The following PCDHGA8 variants were observed in gnomAD, a reference collection of about 807,000 sequenced individuals.
The protein encoded by PCDHGA8 is protocadherin gamma-A8.
PCDHGA8 carries 45 observed loss-of-function variants against 59.2 expected under a neutral mutation model. The observed-to-expected ratio is 0.76, with a 90% CI of 0.60 to 0.98. The LOEUF (loss-of-function observed/expected upper bound fraction) is 0.98, where lower values mean the gene tolerates loss of function less well. Among genes scored for constraint, PCDHGA8 ranks in the 50% least tolerant of loss-of-function variants. The pLI is 0.00. For missense variants in PCDHGA8, 1,257 were observed against 1,196.2 expected, an observed-to-expected ratio of 1.05 and a Z score of -0.75; for synonymous variants, 531 against 519.0, an observed-to-expected ratio of 1.02 and a Z score of -0.32.
intron 1 of PCDHGA8, among the ~76,000 whole-genome samples, chr5:141,458,869 A>G (rs2154566384): frequency 6.6e-6 from 1 of 152,264 alleles, no homozygotes; most frequent in East Asian, 1.9e-4. Context: ...AGTAGCTGGG[A>G]CTACAGGCAT....
At position 141,493,887 on chromosome 5, in the gene PCDHGA8, G is replaced by C. The variant is rs760575047; in HGVS notation, c.2425-920G>C. On this transcript the variant is annotated intron_variant, in intron 1 of 3. Transcript: ENST00000398604. This position sits in a 1 kb window ranked among gnomAD's most constrained non-coding sequence, Gnocchi z 4.3. Reference sequence around the variant, plus strand: ...AGAACCAGTGAGGAGGTGGCTCTAGGAGTGCTCCATGAGAGTGTGTGATGG... The same window carrying C: ...AGAACCAGTGAGGAGGTGGCTCTAGCAGTGCTCCATGAGAGTGTGTGATGG... Among the ~76,000 whole-genome samples, 11 of 152,184 alleles carry C rather than the reference G, an allele frequency of 7.2e-5. No homozygotes were observed. Among genetic ancestry groups the C allele is most frequent in the Non-Finnish European group, 1.2e-4 (8 of 68,026 alleles).
intron 1 of PCDHGA8, among the ~76,000 whole-genome samples, chr5:141,455,419 G>T (rs1462099602): frequency 6.6e-6 from 1 of 152,124 alleles, no homozygotes; most frequent in Non-Finnish European, 1.5e-5. Flanking sequence ...AGGGAGCGGG[G>T]CTCCAAAAGA....
chr5:141,456,389 TTTGA>T (rs1181323617), intron 1 of PCDHGA8, among the ~76,000 whole-genome samples: 2 of 152,074 alleles, frequency 1.3e-5, no homozygotes, highest in Non-Finnish European at 2.9e-5. Flanking sequence ...CCGTTTGGAG[TTTGA>T]TTGCTTCTAG....
At chr5:141,427,861 T>G (rs776215800) in intron 1 of PCDHGA8, 2 of 1,556,958 alleles carry the variant, frequency 1.3e-6, no homozygotes, top group Admixed American at 1.7e-5. Flanking sequence ...CTGTGCGCCT[T>G]CGAGCTCACG....
Position 141,489,898 on chromosome 5 carries a change from C to T in PCDHGA8, c.2425-4909C>T. On this transcript the variant is annotated intron_variant, in intron 1 of 3. Transcript: ENST00000398604. The surrounding 1 kb of genome is among the most constrained non-coding windows in gnomAD (Gnocchi z 4.5). ...GCTTACTGCTGTGGATGGGGGGACC[C>T]CAGCCCGCTCAGGGACCACCCTTAT... 6.2e-7 allele frequency: 1 copy of T among 1,614,216 alleles called. No homozygotes were observed. Among genetic ancestry groups the T allele is most frequent in the Non-Finnish European group, 8.5e-7 (1 of 1,180,036 alleles).
intron 1 of PCDHGA8, chr5:141,414,713 C>T: frequency 6.2e-7 from 1 of 1,614,126 alleles, no homozygotes; most frequent in Admixed American, 1.7e-5. Context: ...TCCATCAACT[C>T]AGACACTGGC....
intron 1 of PCDHGA8, chr5:141,417,617 A>G (rs576281946): frequency 9.3e-6 from 6 of 646,206 alleles, no homozygotes; most frequent in African/African-American, 1.8e-5. Flanking sequence ...GCCAGTGCAG[A>G]GCAAGCGCTG....
intron 1 of PCDHGA8, among the ~76,000 whole-genome samples, chr5:141,469,103 C>G (rs949254605): frequency 6.6e-6 from 1 of 151,844 alleles, no homozygotes; most frequent in Non-Finnish European, 1.5e-5. Flanking sequence ...AAAGCAAGAA[C>G]CTGTCTCTAA....
chr5:141,451,682 G>GA (rs1401536376), intron 1 of PCDHGA8, among the ~76,000 whole-genome samples: 1 of 152,128 alleles, frequency 6.6e-6, no homozygotes, highest in Non-Finnish European at 1.5e-5. Flanking sequence ...AGGAGTTCAA[G>GA]ACCAGCCTGG....
chr5:141,401,761 A>T (rs2094191513), intron 1 of PCDHGA8, among the ~76,000 whole-genome samples: 1 of 152,210 alleles, frequency 6.6e-6, no homozygotes, highest in African/African-American at 2.4e-5. Flanking sequence ...ATTACATGGT[A>T]TAAGTCTTTT....
At chr5:141,448,786 A>G (rs1354591718) in intron 1 of PCDHGA8, among the ~76,000 whole-genome samples, 1 of 148,848 alleles carries the variant, frequency 6.7e-6, no homozygotes, top group African/African-American at 2.5e-5. Context: ...TAAAAATACA[A>G]AAAAAAAAAT....
In PCDHGA8 at chr5:141,475,977, A is replaced by G. The variant is rs369460464; in HGVS notation, c.2425-18830A>G. The stretch of plus-strand genomic sequence containing the variant: ...CCCCGGGATGAGGCAGAGACTGAAC[A>G]GCCGGCGAGCAAATCAACGGCATCC... On this transcript the variant is annotated intron_variant, in intron 1 of 3. Transcript: ENST00000398604. The G allele has an allele frequency of 2.2e-5, 21 of 972,826 alleles. No individual in the cohort carries two copies. The South Asian group carries it at 2.8e-4, about 13-fold the overall frequency. 60.3% of individuals were successfully genotyped at this position (972,826 alleles called of 1,614,324 possible).
chr5:141,410,115 C>T, intron 1 of PCDHGA8: 1 of 1,612,624 alleles, frequency 6.2e-7, no homozygotes. Context: ...AGGGACGCAG[C>T]CCGCCAGCGC....
Position 141,432,911 on chromosome 5 carries a change from C to G in PCDHGA8, c.2424+37674C>G. 5 of 1,614,176 alleles carry G rather than the reference C, an allele frequency of 3.1e-6. No homozygotes were observed. Among genetic ancestry groups the G allele is most frequent in the Non-Finnish European group, 4.2e-6 (5 of 1,180,014 alleles). Reference sequence around the variant, plus strand: ...CTTGCTGCTGGCGCTCAGGCTGCGGCGCTGGCACAAGTCACGCCTGCTGCA... The same window carrying G: ...CTTGCTGCTGGCGCTCAGGCTGCGGGGCTGGCACAAGTCACGCCTGCTGCA... On this transcript the variant is annotated intron_variant, in intron 1 of 3. Transcript: ENST00000398604. This position sits in a 1 kb window ranked among gnomAD's most constrained non-coding sequence, Gnocchi z 6.0.
intron 1 of PCDHGA8, chr5:141,423,835 C>T (rs1371309974): frequency 1.2e-5 from 15 of 1,278,290 alleles, no homozygotes; most frequent in African/African-American, 9.4e-5. Flanking sequence ...CATGAGATTA[C>T]GATAATCTTT....
At chr5:141,502,891 C>G (rs2099816930) in intron 2 of PCDHGA8, among the ~76,000 whole-genome samples, 1 of 117,990 alleles carries the variant, frequency 8.5e-6, no homozygotes, top group African/African-American at 3.4e-5. Context: ...GACAGGGAGT[C>G]TAGCTCTGTT....
intron 1 of PCDHGA8, among the ~76,000 whole-genome samples, chr5:141,466,613 C>T (rs772278295): frequency 1.2e-4 from 19 of 152,144 alleles, no homozygotes; most frequent in Non-Finnish European, 2.4e-4. Context: ...TGTAAACTGC[C>T]GTTTTCTTTG....
intron 1 of PCDHGA8, chr5:141,423,975 A>T: frequency 8.9e-7 from 1 of 1,126,024 alleles, no homozygotes; most frequent in Non-Finnish European, 1.1e-6. Flanking sequence ...TTATCAGTGT[A>T]TGAGGCTCTC....
rs374042624 is a variant in PCDHGA8, at chr5:141,394,490, G to A, written c.1677G>A (p.Ala559=). The A allele has an allele frequency of 3.7e-6, 6 of 1,614,058 alleles. No individual in the cohort carries two copies. In the Admixed American group the frequency reaches 5.0e-5, roughly 13 times the overall value. ...SLFVLDQNDN[A]PEILYPALPT... ...TCGTGCTGGACCAGAATGACAACGCGCCCGAGATCCTGTACCCCGCCCTCC... is the reference window on the plus strand; with the variant it reads ...TCGTGCTGGACCAGAATGACAACGCACCCGAGATCCTGTACCCCGCCCTCC... The change falls in exon 1 of 4, where the codon GCG becomes GCA. Residue 559 remains alanine (A), a synonymous_variant. Transcript: ENST00000398604.
Sources: allele counts gnomAD v4.1 joint callset (sites outside exome capture counted in the v4.1 genomes callset), GRCh38; gene constraint gnomAD v4.1.1; non-coding constraint Gnocchi (gnomAD v3.1); transcripts MANE v1.5; gene names NCBI Gene and HGNC (gene_info 2026-07-23, HGNC 2026-07-21).